Variants in CCDC175 observed in about 807,000 individuals in gnomAD.
CCDC175 encodes the protein coiled-coil domain containing 175.
Under a neutral mutation model 114.6 loss-of-function variants are expected in CCDC175, and 100 were observed. The observed-to-expected ratio is 0.87, with a 90% confidence interval of 0.74 to 1.03. The LOEUF is 1.03. CCDC175 is among the 50% of genes least tolerant of loss of function. The pLI is 0.00. For synonymous variants in CCDC175, 306 were observed against 308.7 expected, an observed-to-expected ratio of 0.99 and a Z score of 0.09; for missense variants, 880 against 917.8, an observed-to-expected ratio of 0.96 and a Z score of 0.53.
Position 59,506,025 on chromosome 14 carries a change from A to T in CCDC175, c.2306-710T>A, listed in dbSNP as rs116506832. On this transcript the variant is annotated intron_variant, in intron 19 of 19. Transcript: ENST00000537690. The stretch of plus-strand genomic sequence containing the variant: ...TTCTTTGAGCGTCATATTGGTGCTG[A>T]AAAAGCTTTGAGTTTTGGAGCACTT... Among the ~76,000 whole-genome samples, 319 of 152,306 alleles carry T rather than the reference A, an allele frequency of 2.1e-3. 1 individual carries two copies. The highest frequency in any genetic ancestry group is 6.9e-3 in the African/African-American group (286 of 41,580).
chr14:59,574,097 C>A (rs12586670), intron 2 of CCDC175, among the ~76,000 whole-genome samples: 139,552 of 152,234 alleles, frequency 0.92, 64,090 homozygotes, highest in East Asian at 1. Flanking sequence ...CATGATCCCT[C>A]AGTGTTTACG....
intron 14 of CCDC175, among the ~76,000 whole-genome samples, chr14:59,529,974 G>A (rs924824429): frequency 6.6e-6 from 1 of 152,092 alleles, no homozygotes; most frequent in Non-Finnish European, 1.5e-5. Flanking sequence ...TACATTAAGA[G>A]ATTTAGTACT....
At chr14:59,538,943 A>C (rs1374199082) in intron 11 of CCDC175, 103 bp from the exon 12 acceptor site, 1 of 1,066,386 alleles carries the variant, frequency 9.4e-7, no homozygotes, top group Non-Finnish European at 1.3e-6. Flanking sequence ...ACTACACAAA[A>C]TTGTTTGTGC....
chr14:59,572,504 A>G (rs1896896501), intron 3 of CCDC175, among the ~76,000 whole-genome samples, 198 bp downstream of exon 3: 1 of 152,244 alleles, frequency 6.6e-6, no homozygotes, highest in South Asian at 2.1e-4. Context: ...AAACCAAATT[A>G]TATAAATTCA....
chr14:59,555,142 C>T (rs777656303), intron 7 of CCDC175, among the ~76,000 whole-genome samples: 2 of 152,176 alleles, frequency 1.3e-5, no homozygotes, highest in African/African-American at 4.8e-5. Flanking sequence ...GATACCAAAG[C>T]CTGGCAGAGA....
chr14:59,533,718 G>A (rs1299243739), intron 13 of CCDC175, among the ~76,000 whole-genome samples: 2 of 152,168 alleles, frequency 1.3e-5, no homozygotes, highest in African/African-American at 4.8e-5. Flanking sequence ...GCCAGGCATG[G>A]TGGCTCACAC....
intron 17 of CCDC175, among the ~76,000 whole-genome samples, chr14:59,513,508 C>T (rs568169854): frequency 4.5e-4 from 69 of 152,336 alleles, no homozygotes; most frequent in African/African-American, 1.6e-3. Context: ...AACGGCACAG[C>T]AAGAGATTAT....
intron 13 of CCDC175, among the ~76,000 whole-genome samples, chr14:59,533,663 C>A (rs186938106): frequency 6.6e-6 from 1 of 151,678 alleles, no homozygotes; most frequent in African/African-American, 2.4e-5. Context: ...GTACATTTCT[C>A]CAGACTGCAA....
intron 17 of CCDC175, among the ~76,000 whole-genome samples, chr14:59,513,380 T>G (rs1422122806): frequency 6.7e-6 from 1 of 149,864 alleles, no homozygotes; most frequent in Non-Finnish European, 1.5e-5. Context: ...CTGCCTCACC[T>G]GGGAAGTGGA....
chr14:59,576,057 T>C (rs988655150), intron 1 of CCDC175, among the ~76,000 whole-genome samples: 2 of 152,180 alleles, frequency 1.3e-5, no homozygotes, highest in African/African-American at 2.4e-5. Context: ...TAAGCTTAAG[T>C]GACTTGATTA....
chr14:59,539,942 G>A (rs555670007), intron 11 of CCDC175, among the ~76,000 whole-genome samples: 4 of 151,970 alleles, frequency 2.6e-5, no homozygotes, highest in East Asian at 1.9e-4. Flanking sequence ...GTGGTAGTGC[G>A]TGCCGGTAGT....
chr14:59,511,937 A>G lies in CCDC175; in HGVS notation c.2099-134T>C, dbSNP rs1892779806. On this transcript the variant is annotated intron_variant, in intron 17 of 19. Coordinates refer to ENST00000537690, the MANE Select transcript of CCDC175 (RefSeq NM_001164399.2). ...TGTCTAGTTCCAAAATGACAGAATA[A>G]CTGAATTGGACCTGCCCTCCCACTG... 5 of 650,278 alleles carry G rather than the reference A, an allele frequency of 7.7e-6. No homozygotes were observed. In the East Asian group the frequency reaches 1.4e-4, roughly 18 times the overall value. 40.3% of individuals were successfully genotyped at this position (650,278 alleles called of 1,614,324 possible).
chr14:59,548,277 G>A (rs1168080059), intron 8 of CCDC175, among the ~76,000 whole-genome samples: 1 of 152,130 alleles, frequency 6.6e-6, no homozygotes, highest in Admixed American at 6.5e-5. Context: ...GAGTAGAATG[G>A]TGGTTGCCAA....
intron 4 of CCDC175, among the ~76,000 whole-genome samples, chr14:59,566,003 T>A (rs1340104841): frequency 6.6e-6 from 1 of 152,106 alleles, no homozygotes; most frequent in Non-Finnish European, 1.5e-5. Context: ...TCATCACATC[T>A]CCAGCCACCC....
intron 15 of CCDC175, among the ~76,000 whole-genome samples, chr14:59,526,104 T>G (rs750856018): frequency 3.3e-5 from 5 of 152,202 alleles, no homozygotes; most frequent in Non-Finnish European, 7.4e-5. Context: ...AGATTATGAA[T>G]TTTTTCAGAA....
Position 59,510,791 on chromosome 14 carries a change from A to G in CCDC175, c.2160T>C (p.Gly720=). Residue 720 remains glycine (G), a synonymous_variant, in exon 19 of 20, where the codon GGT becomes GGC. Coordinates refer to ENST00000537690, the MANE Select transcript of CCDC175 (RefSeq NM_001164399.2). ...QTTVKILVDN[G]EETLQDINNL... ...TGTTTATGTCTTGCAAGGTCTCTTC[A>G]CCATTGTCCACCAAGATCTAAAGAA... The G allele has an allele frequency of 6.5e-7, 1 of 1,536,984 alleles. No homozygotes were observed. The highest frequency in any genetic ancestry group is 8.7e-7 in the Non-Finnish European group (1 of 1,146,626).
rs749160623 is a variant in CCDC175 at position 59,543,466 on chromosome 14, AAC to A, written c.1173-14_1173-13del. ...GCTGTTTCTGATTTCTATCATGAAA[AAC>A]AGAGTTATTTGTTGAAGGCTGACAT... On this transcript the variant is annotated splice_polypyrimidine_tract_variant and intron_variant, in intron 9 of 19. Transcript: ENST00000537690. The A allele has an allele frequency of 1.6e-5, 18 of 1,151,898 alleles. No individual in the cohort carries two copies. The East Asian group carries it at 1.6e-4, about 10-fold the overall frequency. 71.4% of individuals were successfully genotyped at this position (1,151,898 alleles called of 1,614,324 possible).
rs982012852 is a variant in CCDC175 at position 59,559,074 on chromosome 14, A to T, written c.953+2045T>A. ...GACCACTAAACTTTAACAGGATGGA[A>T]GCCATTAGTAACCGTGGCAATTCTG... is the stretch of plus-strand genomic sequence containing the variant. On this transcript the variant is annotated intron_variant, in intron 7 of 19. Transcript: ENST00000537690. 2.0e-5 allele frequency among the ~76,000 whole-genome samples: 3 copies of T among 152,198 alleles called. No individual in the cohort carries two copies. The East Asian group carries it at 5.8e-4, about 29-fold the overall frequency.
chr14:59,545,817 A>C (rs1338516259), intron 8 of CCDC175, among the ~76,000 whole-genome samples: 1 of 152,258 alleles, frequency 6.6e-6, no homozygotes, highest in Non-Finnish European at 1.5e-5. Flanking sequence ...CAATGGGCTG[A>C]ATAGTTCAAA....
Sources: gnomAD v4.1 joint callset for allele counts (sites outside exome capture counted in the v4.1 genomes callset) on GRCh38, gnomAD v4.1.1 for gene constraint, MANE v1.5 for transcripts, NCBI Gene and HGNC (gene_info 2026-07-23, HGNC 2026-07-21) for gene names.